The following PPP1R1C variants were observed in gnomAD, a reference collection of about 807,000 sequenced individuals.
PPP1R1C encodes protein phosphatase 1 regulatory subunit 1C.
In PPP1R1C, 15 loss-of-function variants were observed where a neutral mutation model predicts 17.4. The observed-to-expected ratio is 0.86, with a 90% CI of 0.58 to 1.33. The LOEUF is 1.33. PPP1R1C is among the 40% of genes most tolerant of loss of function. The pLI, the probability that PPP1R1C is intolerant of heterozygous loss-of-function variation, is 0.00. For synonymous variants in PPP1R1C, 35 were observed against 43.1 expected, an observed-to-expected ratio of 0.81 and a Z score of 0.73; for missense variants, 143 against 130.0, an observed-to-expected ratio of 1.10 and a Z score of -0.48.
chr2:182,116,368 G>T (rs1689582444), intron 4 of PPP1R1C, among the ~76,000 whole-genome samples: 1 of 152,132 alleles, frequency 6.6e-6, no homozygotes, highest in Non-Finnish European at 1.5e-5. Context: ...AAGAGCAGGG[G>T]GGAATATGAG....
intron 2 of PPP1R1C, among the ~76,000 whole-genome samples, chr2:181,990,386 G>A (rs750980661): frequency 2.6e-5 from 4 of 151,856 alleles, no homozygotes; most frequent in East Asian, 3.9e-4. Context: ...CTCGCTATCC[G>A]CCCGCCTCGG....
intron 1 of PPP1R1C, among the ~76,000 whole-genome samples, chr2:181,960,203 G>GAAAA (rs1205863610): frequency 6.6e-6 from 1 of 152,138 alleles, no homozygotes; most frequent in Non-Finnish European, 1.5e-5. Context: ...TTGAAAGAAA[G>GAAAA]AAAACCAAAA....
At chr2:182,105,776 G>A (rs74429463) in intron 4 of PPP1R1C, among the ~76,000 whole-genome samples, 2,101 of 152,310 alleles carry the variant, frequency 0.014, 61 homozygotes, top group African/African-American at 0.048. Context: ...AAATCCAACT[G>A]AGGGTATATC....
At chr2:182,109,864 C>T (rs1015272428) in intron 4 of PPP1R1C, among the ~76,000 whole-genome samples, 1 of 152,136 alleles carries the variant, frequency 6.6e-6, no homozygotes, top group African/African-American at 2.4e-5. Flanking sequence ...CAAATTATCT[C>T]GTTGATGATG....
At chr2:181,983,328 G>A (rs150408352), upstream of PPP1R1C, among the ~76,000 whole-genome samples, 308 of 152,218 alleles carry the variant, frequency 2.0e-3, 1 homozygote, top group Non-Finnish European at 3.2e-3. Context: ...TCTGACTCCC[G>A]ATTACCTAAT....
At chr2:182,079,689 T>G (rs944372482) in intron 4 of PPP1R1C, among the ~76,000 whole-genome samples, 3 of 152,186 alleles carry the variant, frequency 2.0e-5, no homozygotes, top group Non-Finnish European at 1.5e-5. Context: ...AAATGTTTCC[T>G]CTCACAGTTG....
chr2:181,983,508 A>AC (rs1361797936), upstream of PPP1R1C, among the ~76,000 whole-genome samples: 2 of 152,026 alleles, frequency 1.3e-5, no homozygotes, highest in African/African-American at 2.4e-5. Context: ...GGAAAATTAT[A>AC]CCCCCCATGC....
chr2:182,083,984 G>A (rs1464950607), intron 4 of PPP1R1C, among the ~76,000 whole-genome samples: 2 of 152,130 alleles, frequency 1.3e-5, no homozygotes, highest in Non-Finnish European at 2.9e-5. Context: ...GTATTTCATT[G>A]TGGTTTTAAT....
chr2:181,981,586 C>G (rs936192660), upstream of PPP1R1C, among the ~76,000 whole-genome samples: 6 of 152,154 alleles, frequency 3.9e-5, no homozygotes, highest in Non-Finnish European at 8.8e-5. Flanking sequence ...AGATAGGCCT[C>G]TTTGCCTCAA....
chr2:182,110,323 A>G (rs2125233807), intron 4 of PPP1R1C, among the ~76,000 whole-genome samples: 1 of 152,316 alleles, frequency 6.6e-6, no homozygotes, highest in South Asian at 2.1e-4. Context: ...AATAAAATAT[A>G]ACTTTAAAAA....
intron 4 of PPP1R1C, among the ~76,000 whole-genome samples, chr2:182,082,608 C>A (rs185878619): frequency 6.6e-6 from 1 of 151,970 alleles, no homozygotes; most frequent in South Asian, 2.1e-4. Flanking sequence ...ATCTGAGTCG[C>A]GGAAGAACAT....
chr2:182,124,913 A>G (rs1393177650), intron 5 of PPP1R1C, among the ~76,000 whole-genome samples: 1 of 152,198 alleles, frequency 6.6e-6, no homozygotes, highest in Admixed American at 6.5e-5. Flanking sequence ...TGCCCTGGCC[A>G]GATCTTCCAA....
At chr2:182,000,373 GT>G (rs1333563960) in intron 2 of PPP1R1C, among the ~76,000 whole-genome samples, 1 of 152,088 alleles carries the variant, frequency 6.6e-6, no homozygotes, top group Non-Finnish European at 1.5e-5. Context: ...CTGTCCAAGT[GT>G]AATCAATCTA....
chr2:182,079,125 A>G (rs1255662434), intron 4 of PPP1R1C, among the ~76,000 whole-genome samples: 2 of 152,238 alleles, frequency 1.3e-5, no homozygotes. Context: ...AAATCAGGCT[A>G]TAAAAGAAGC....
intron 2 of PPP1R1C, among the ~76,000 whole-genome samples, chr2:181,977,380 T>G (rs1559043055): frequency 1.3e-5 from 2 of 151,970 alleles, no homozygotes; most frequent in Middle Eastern, 3.4e-3. Context: ...GATTGTATTT[T>G]TGTGTGTGTG....
intron 2 of PPP1R1C, among the ~76,000 whole-genome samples, chr2:182,003,329 T>C (rs914815807): frequency 1.3e-5 from 2 of 152,172 alleles, no homozygotes; most frequent in African/African-American, 4.8e-5. Flanking sequence ...TGCTTTATTC[T>C]TAGGCCTGGA....
chr2:182,054,213 T>G (rs1687615342), intron 2 of PPP1R1C, among the ~76,000 whole-genome samples: 1 of 152,224 alleles, frequency 6.6e-6, no homozygotes, highest in Non-Finnish European at 1.5e-5. Context: ...CACAGAAAGT[T>G]TTAAACATAG....
At chr2:182,040,353 G>T (rs144128589) in intron 2 of PPP1R1C, among the ~76,000 whole-genome samples, 1 of 152,248 alleles carries the variant, frequency 6.6e-6, no homozygotes, top group East Asian at 1.9e-4. Context: ...ATTCTTGCAG[G>T]AGTAAGGTGT....
chr2:182,018,090 C>T (rs1686311597), intron 2 of PPP1R1C, among the ~76,000 whole-genome samples: 2 of 151,504 alleles, frequency 1.3e-5, no homozygotes, highest in Admixed American at 6.6e-5. Context: ...ATCCTGTCTT[C>T]TTAAATATTT....
Sources: gnomAD v4.1 joint callset for allele counts (sites outside exome capture counted in the v4.1 genomes callset) on GRCh38, gnomAD v4.1.1 for gene constraint, MANE v1.5 for transcripts, NCBI Gene and HGNC (gene_info 2026-07-23, HGNC 2026-07-21) for gene names.